DNAH3: variants seen among roughly 807,000 people sequenced by gnomAD.
DNAH3 encodes the protein axonemal beta dynein heavy chain 3.
Under a neutral mutation model 432.5 loss-of-function variants are expected in DNAH3, and 332 were observed. That is an observed-to-expected ratio of 0.77 (90% CI 0.70 to 0.84). DNAH3 has a LOEUF of 0.84. Among genes scored for constraint, DNAH3 ranks in the 40% least tolerant of loss-of-function variants. DNAH3 has a pLI of 0.00. For missense variants in DNAH3, 4,861 were observed against 5,114.0 expected, an observed-to-expected ratio of 0.95 and a Z score of 1.51; for synonymous variants, 1,956 against 1,900.2, an observed-to-expected ratio of 1.03 and a Z score of -0.76.
At chr16:21,100,749 G>A (rs140554909) in intron 16 of DNAH3, among the ~76,000 whole-genome samples, 1 of 152,254 alleles carries the variant, frequency 6.6e-6, no homozygotes, top group East Asian at 1.9e-4. Flanking sequence ...GAGAGGCAAT[G>A]CTTATTATTC....
At chr16:20,949,548 G>A (rs2084217994) in intron 56 of DNAH3, among the ~76,000 whole-genome samples, 1 of 152,062 alleles carries the variant, frequency 6.6e-6, no homozygotes, top group African/African-American at 2.4e-5. Context: ...TATGGGGTTC[G>A]GTAAAATCCG....
At chr16:21,035,870 T>C (rs1379509216) in intron 35 of DNAH3, among the ~76,000 whole-genome samples, 1 of 152,148 alleles carries the variant, frequency 6.6e-6, no homozygotes, top group African/African-American at 2.4e-5. Context: ...CTAACTTCAC[T>C]TGTAACTCAC....
At chr16:20,979,463 T>C (rs1335036831) in exon 50 of DNAH3, 2 of 1,613,968 alleles carry the variant, frequency 1.2e-6, no homozygotes, top group Non-Finnish European at 8.5e-7. Flanking sequence ...GGGGGTAACA[T>C]AGTTGTGTCT....
At chr16:21,081,754 T>A (rs1483561714) in intron 19 of DNAH3, 27 bp from the exon 20 acceptor site, 1 of 1,601,966 alleles carries the variant, frequency 6.2e-7, no homozygotes, top group Admixed American at 1.7e-5. Context: ...AAAGCAAATG[T>A]TTGTTGTCCG....
intron 28 of DNAH3, 95 bp from the exon 29 acceptor site, chr16:21,051,963 C>G: frequency 1.1e-6 from 1 of 950,702 alleles, no homozygotes; most frequent in African/African-American, 1.6e-5. Flanking sequence ...TATCAAGGTC[C>G]CCCATTCTCC....
At chr16:21,031,395 T>C (rs2088864337) in intron 36 of DNAH3, 109 bp from the exon 37 acceptor site, 1 of 1,367,788 alleles carries the variant, frequency 7.3e-7, no homozygotes, top group East Asian at 2.3e-5. Flanking sequence ...ATATGCCATA[T>C]GAGGGAAGTC....
chr16:21,061,231 CTTTTTTT>C (rs11383667), intron 25 of DNAH3, among the ~76,000 whole-genome samples: 4 of 102,818 alleles, frequency 3.9e-5, no homozygotes, highest in African/African-American at 1.1e-4. Flanking sequence ...GGCGATAGGC[CTTTTTTT>C]TTTTTTTTTT....
At chr16:21,029,013 C>G (rs777902942) in intron 37 of DNAH3, among the ~76,000 whole-genome samples, 1 of 152,198 alleles carries the variant, frequency 6.6e-6, no homozygotes, top group Non-Finnish European at 1.5e-5. Context: ...ACCGCGTCAT[C>G]TCTGAATATA....
At chr16:21,081,652 C>A in exon 20 of DNAH3, 1 of 1,613,466 alleles carries the variant, frequency 6.2e-7, no homozygotes, top group Non-Finnish European at 8.5e-7. Context: ...ACGAATTTGC[C>A]GAATCCAAAT....
chr16:20,944,690 C>G, intron 57 of DNAH3, 27 bp from the exon 58 acceptor site: 1 of 1,612,326 alleles, frequency 6.2e-7, no homozygotes. Flanking sequence ...CAGTTGAAAT[C>G]AACGAGGGAC....
rs776382752 is a variant in DNAH3, at chr16:21,000,274, C to T, written c.6371G>A (p.Arg2124Gln). The T allele has an allele frequency of 2.1e-5, 34 of 1,613,962 alleles. No individual in the cohort carries two copies. The African/African-American group carries it at 3.6e-4, about 17-fold the overall frequency. ...TATGGGAGGCCCGAAAAGGCCCTTC[C>T]GTCGTCGATCCAGCTTGGACATGAT... The change falls in exon 43 of 62, where the codon CGG becomes CAG. Residue 2124 changes from arginine (R) to glutamine (Q), a missense_variant. Physicochemically the swap from Arg to Gln is conservative, Grantham distance 43. Coordinates refer to ENST00000261383, the Ensembl canonical transcript of DNAH3.
intron 15 of DNAH3, among the ~76,000 whole-genome samples, chr16:21,105,072 G>A (rs1285957891): frequency 6.6e-6 from 1 of 152,128 alleles, no homozygotes; most frequent in East Asian, 1.9e-4. Context: ...TTATGACTCT[G>A]GTGAATTAAA....
At chr16:20,939,624 A>T (rs1485767587) in intron 59 of DNAH3, among the ~76,000 whole-genome samples, 1 of 152,026 alleles carries the variant, frequency 6.6e-6, no homozygotes, top group Non-Finnish European at 1.5e-5. Flanking sequence ...AAAAAAAAAA[A>T]AAAAAAGTAA....
intron 1 of DNAH3, among the ~76,000 whole-genome samples, chr16:21,147,624 T>C (rs895313131): frequency 6.6e-6 from 1 of 152,202 alleles, no homozygotes; most frequent in East Asian, 1.9e-4. Context: ...TTATGATTCC[T>C]GCGAAAAGAA....
intron 21 of DNAH3, among the ~76,000 whole-genome samples, chr16:21,072,694 G>A (rs1399348830): frequency 3.3e-5 from 5 of 151,846 alleles, no homozygotes; most frequent in Non-Finnish European, 7.4e-5. Flanking sequence ...CACCCAGGCT[G>A]GAGTGTAATA....
At chr16:21,009,212 T>C (rs1274869340) in intron 41 of DNAH3, among the ~76,000 whole-genome samples, 1 of 152,210 alleles carries the variant, frequency 6.6e-6, no homozygotes, top group Non-Finnish European at 1.5e-5. Context: ...TCTTATAAGA[T>C]GGATGGAATA....
intron 20 of DNAH3, among the ~76,000 whole-genome samples, chr16:21,076,476 G>A (rs1004436040): frequency 2.0e-5 from 3 of 152,094 alleles, no homozygotes; most frequent in African/African-American, 7.2e-5. Context: ...ATTATGAGAG[G>A]TCATTATTCC....
chr16:20,974,867 G>A (rs1024113321), intron 51 of DNAH3, among the ~76,000 whole-genome samples: 18 of 151,722 alleles, frequency 1.2e-4, no homozygotes, highest in African/African-American at 3.6e-4. Context: ...CGCCCAGGCT[G>A]GAGTGCAGTG....
chr16:20,937,885 T>C (rs192111656), intron 59 of DNAH3, among the ~76,000 whole-genome samples: 2,117 of 152,260 alleles, frequency 0.014, 18 homozygotes, highest in Non-Finnish European at 0.022. Flanking sequence ...AAGGGCAGCC[T>C]GGGAGATGTC....
Sources: allele counts gnomAD v4.1 joint callset (sites outside exome capture counted in the v4.1 genomes callset), GRCh38; gene constraint gnomAD v4.1.1; transcripts MANE v1.5; gene names NCBI Gene and HGNC (gene_info 2026-07-23, HGNC 2026-07-21).